The following TRAPPC9 variants were observed in gnomAD, a reference collection of about 807,000 sequenced individuals.
The protein encoded by TRAPPC9 is trafficking protein particle complex subunit 9.
TRAPPC9 carries 83 observed loss-of-function variants against 124.0 expected under a neutral mutation model. The ratio of observed to expected loss-of-function variants is 0.67; its 90% CI spans 0.56 to 0.80. The LOEUF is 0.80. Among genes scored for constraint, TRAPPC9 ranks in the 30% least tolerant of loss-of-function variants. The probability of loss-of-function intolerance (pLI) is 0.00; values close to 1 mark genes in which losing one functional copy is unlikely to be tolerated. For missense variants in TRAPPC9, 1,302 were observed against 1,508.3 expected, an observed-to-expected ratio of 0.86 and a Z score of 2.27; for synonymous variants, 638 against 617.5, an observed-to-expected ratio of 1.03 and a Z score of -0.49.
intron 21 of TRAPPC9, among the ~76,000 whole-genome samples, chr8:139,860,568 A>C (rs1352360495): frequency 6.6e-6 from 1 of 152,064 alleles, no homozygotes; most frequent in South Asian, 2.1e-4. Context: ...GTAATCCAAC[A>C]AACCAGGCCT....
intron 19 of TRAPPC9, among the ~76,000 whole-genome samples, chr8:139,981,251 C>T (rs1836871127): frequency 6.6e-6 from 1 of 152,188 alleles, no homozygotes; most frequent in African/African-American, 2.4e-5. Flanking sequence ...GAGTCCAGAG[C>T]CCAGGCTCTA....
chr8:140,162,180 T>C (rs1177604695), intron 17 of TRAPPC9, among the ~76,000 whole-genome samples: 1 of 151,958 alleles, frequency 6.6e-6, no homozygotes, highest in African/African-American at 2.4e-5. Flanking sequence ...AATACTGAGG[T>C]TTCTCTTTCA....
At chr8:139,823,728 G>A (rs1825422527) in intron 21 of TRAPPC9, among the ~76,000 whole-genome samples, 1 of 152,232 alleles carries the variant, frequency 6.6e-6, no homozygotes, top group Non-Finnish European at 1.5e-5. Flanking sequence ...GTCTTTCCAG[G>A]TATGGGGCTG....
intron 17 of TRAPPC9, among the ~76,000 whole-genome samples, chr8:140,110,062 A>G (rs2130483183): frequency 6.6e-6 from 1 of 152,160 alleles, no homozygotes; most frequent in East Asian, 1.9e-4. Context: ...GGCCAGGCTC[A>G]GCCCACGGGA....
chr8:140,284,503 A>G (rs1588092550), intron 13 of TRAPPC9, among the ~76,000 whole-genome samples: 1 of 152,192 alleles, frequency 6.6e-6, no homozygotes, highest in East Asian at 1.9e-4. Context: ...GATATGGCAG[A>G]TGTGCTGTGT....
intron 9 of TRAPPC9, among the ~76,000 whole-genome samples, chr8:140,350,924 C>A (rs991128821): frequency 6.6e-6 from 1 of 151,612 alleles, no homozygotes; most frequent in Non-Finnish European, 1.5e-5. Context: ...GAGGGGTGTC[C>A]GGAGAATGAA....
chr8:139,773,729 G>C (rs1821148382), intron 21 of TRAPPC9, among the ~76,000 whole-genome samples: 1 of 152,180 alleles, frequency 6.6e-6, no homozygotes, highest in South Asian at 2.1e-4. Flanking sequence ...CACCTCTGTA[G>C]TCCTCTGTGT....
intron 21 of TRAPPC9, among the ~76,000 whole-genome samples, chr8:139,786,715 A>C (rs1822279576): frequency 6.6e-6 from 1 of 152,242 alleles, no homozygotes; most frequent in Non-Finnish European, 1.5e-5. Context: ...ATACAGTGGA[A>C]TACTACTCAG....
At chr8:139,803,315 C>A (rs973383993) in intron 21 of TRAPPC9, among the ~76,000 whole-genome samples, 1 of 152,226 alleles carries the variant, frequency 6.6e-6, no homozygotes, top group African/African-American at 2.4e-5. Context: ...AACTCTAGAG[C>A]GGCGAGTCCT....
At chr8:139,836,047 C>T (rs1042169038) in intron 21 of TRAPPC9, among the ~76,000 whole-genome samples, 54 of 151,954 alleles carry the variant, frequency 3.6e-4, no homozygotes, top group Middle Eastern at 6.8e-3. Flanking sequence ...CTCACTCCGT[C>T]GCCCAGGCTG....
At chr8:139,831,253 T>G (rs1056196094) in intron 21 of TRAPPC9, among the ~76,000 whole-genome samples, 1 of 152,204 alleles carries the variant, frequency 6.6e-6, no homozygotes, top group Non-Finnish European at 1.5e-5. Context: ...TTGTGTGGTC[T>G]GCTGTGTCGT....
chr8:140,005,818 A>T (rs1195007310), intron 18 of TRAPPC9, among the ~76,000 whole-genome samples: 1 of 151,498 alleles, frequency 6.6e-6, no homozygotes, highest in Non-Finnish European at 1.5e-5. Context: ...AGGCTGAGGC[A>T]GGAGAATCTC....
chr8:140,422,115 T>C (rs997053788), intron 5 of TRAPPC9, among the ~76,000 whole-genome samples: 1 of 152,022 alleles, frequency 6.6e-6, no homozygotes, highest in Admixed American at 6.6e-5. Context: ...ACTCATGAGT[T>C]TGAATGCCCA....
At chr8:140,070,634 A>T (rs1051982679) in intron 17 of TRAPPC9, among the ~76,000 whole-genome samples, 30 of 152,208 alleles carry the variant, frequency 2.0e-4, no homozygotes, top group African/African-American at 6.5e-4. Context: ...TTCGAAATTG[A>T]CCATAGTGAC....
chr8:140,228,365 T>A (rs923888943), intron 16 of TRAPPC9, among the ~76,000 whole-genome samples: 1 of 152,210 alleles, frequency 6.6e-6, no homozygotes, highest in Non-Finnish European at 1.5e-5. Flanking sequence ...TCATAAAATA[T>A]CCTCAAGAAA....
intron 21 of TRAPPC9, among the ~76,000 whole-genome samples, chr8:139,774,026 G>C (rs1821171086): frequency 6.6e-6 from 1 of 152,200 alleles, no homozygotes; most frequent in Non-Finnish European, 1.5e-5. Flanking sequence ...TGCTGAGCTG[G>C]ACCAGGAGCC....
intron 21 of TRAPPC9, among the ~76,000 whole-genome samples, chr8:139,857,365 T>C (rs890762069): frequency 6.6e-6 from 1 of 152,214 alleles, no homozygotes; most frequent in African/African-American, 2.4e-5. Context: ...ATATTTCCAG[T>C]GTGCTCGCTG....
At chr8:139,933,006 G>C (rs1456936438) in intron 19 of TRAPPC9, 1 of 155,604 alleles carries the variant, frequency 6.4e-6, no homozygotes, top group Non-Finnish European at 1.4e-5. Context: ...GCGCAAAAAA[G>C]CCACTACTTC....
chr8:140,061,391 C>T (rs1343721862), intron 17 of TRAPPC9, among the ~76,000 whole-genome samples: 2 of 152,132 alleles, frequency 1.3e-5, no homozygotes, highest in East Asian at 1.9e-4. Context: ...TAATATGTGC[C>T]AGATGCTGTC....
Sources: allele counts gnomAD v4.1 joint callset (sites outside exome capture counted in the v4.1 genomes callset), GRCh38; gene constraint gnomAD v4.1.1; transcripts MANE v1.5; gene names NCBI Gene and HGNC (gene_info 2026-07-23, HGNC 2026-07-21).